The following UBR4 variants were observed in gnomAD, a reference collection of about 807,000 sequenced individuals.
UBR4 encodes ubiquitin protein ligase E3 component n-recognin 4.
A neutral mutation model predicts 575.6 loss-of-function variants in UBR4; 124 were observed. The ratio of observed to expected loss-of-function variants is 0.22; its 90% CI spans 0.19 to 0.25. UBR4 has a LOEUF of 0.25. Among genes scored for constraint, UBR4 ranks in the 10% least tolerant of loss-of-function variants. The pLI is 1.00. For synonymous variants in UBR4, 2,455 were observed against 2,473.7 expected, an observed-to-expected ratio of 0.99 and a Z score of 0.22; for missense variants, 4,818 against 6,478.8, an observed-to-expected ratio of 0.74 and a Z score of 8.80.
intron 8 of UBR4, among the ~76,000 whole-genome samples, chr1:19,195,670 C>T (rs2092406404): frequency 6.6e-6 from 1 of 152,166 alleles, no homozygotes; most frequent in Non-Finnish European, 1.5e-5. Context: ...TAACTTTCTA[C>T]TCTTAATGCT....
Position 19,117,358 on chromosome 1 carries a change from A to C in UBR4, c.10686T>G (p.Val3562=), listed in dbSNP as rs2080661399. The change falls in exon 73 of 106, where the codon GTT becomes GTG. Residue 3562 remains valine (V), a synonymous_variant. Transcript: ENST00000375254. This position sits in a 1 kb window ranked among gnomAD's most constrained non-coding sequence, Gnocchi z 4.0. ...VDTRYTTTQQ[V]VKLIGSHTIS... ...TGGTGTGACTGCCAATGAGCTTCAC[A>C]ACCTGCTGGGTGGTGGTGTACCGCG... 1.2e-6 allele frequency: 2 copies of C among 1,614,052 alleles called. No homozygotes were observed. The highest frequency in any genetic ancestry group is 1.7e-5 in the Admixed American group (1 of 60,002).
At chr1:19,151,999 T>C in intron 47 of UBR4, 140 bp from the exon 48 acceptor site, 1 of 888,942 alleles carries the variant, frequency 1.1e-6, no homozygotes, top group East Asian at 2.7e-5. Context: ...GACTTCCTTG[T>C]TTCTAAAAAT....
rs1234068473 is a variant in UBR4, at chr1:19,121,320, G to A, written c.10010C>T (p.Ala3337Val). The change falls in exon 68 of 106, where the codon GCA (alanine) becomes GTA (valine). Residue 3337 changes from alanine to valine, a missense_variant. Coordinates refer to ENST00000375254, the MANE Select transcript of UBR4 (RefSeq NM_020765.3). ...LCGSKVLAAL[A>V]ASSGSSSASS... ...AGCACTGGAGGATCCCGAAGAGGCT[G>A]CCAGTGCAGCGAGCACCTTGCTGCC... is the stretch of plus-strand genomic sequence containing the variant. The A allele has an allele frequency of 3.7e-6, 6 of 1,614,230 alleles. No individual in the cohort carries two copies. Among genetic ancestry groups the A allele is most frequent in the East Asian group, 2.2e-5 (1 of 44,884 alleles).
At chr1:19,103,122 C>T (rs1411569804) in intron 87 of UBR4, among the ~76,000 whole-genome samples, 1 of 152,142 alleles carries the variant, frequency 6.6e-6, no homozygotes, top group Non-Finnish European at 1.5e-5. Flanking sequence ...AATATGAGGT[C>T]ACAGTCAAAA....
chr1:19,140,639 C>T (rs537310430), intron 58 of UBR4, 149 bp downstream of exon 58: 26 of 768,844 alleles, frequency 3.4e-5, no homozygotes, highest in Non-Finnish European at 4.6e-5. Context: ...AGCACTACAC[C>T]CTCCACACCC....
chr1:19,156,539 T>A, intron 41 of UBR4, 116 bp from the exon 42 acceptor site: 1 of 1,354,442 alleles, frequency 7.4e-7, no homozygotes, highest in East Asian at 2.5e-5. Context: ...TCAGACAGTA[T>A]TTAGACTGTC....
intron 60 of UBR4, among the ~76,000 whole-genome samples, chr1:19,132,562 A>C (rs1387293007): frequency 6.6e-6 from 1 of 150,524 alleles, no homozygotes; most frequent in Admixed American, 6.6e-5. Flanking sequence ...GAAATAGAAC[A>C]GGAACAATAG....
Position 19,193,433 on chromosome 1 carries a change from A to G in UBR4, c.1143T>C (p.Cys381=). 6.2e-7 allele frequency: 1 copy of G among 1,613,912 alleles called. No homozygotes were observed. The highest frequency in any genetic ancestry group is 8.5e-7 in the Non-Finnish European group (1 of 1,179,872). The stretch of plus-strand genomic sequence containing the variant: ...CCTTATCCCCAGATCTTTGGCTTAC[A>G]CATTTCTGGACAATTGTAGCTGCGT... ...ESDAATIVQK[C]LEIYDMIGQA... Residue 381 remains cysteine, a splice_region_variant and synonymous_variant, in exon 9 of 106, where the codon TGT becomes TGC. Coordinates refer to ENST00000375254, the MANE Select transcript of UBR4 (RefSeq NM_020765.3).
Position 19,117,926 on chromosome 1 carries a change from GTCTTAGCATGAACACATTTTCA to G in UBR4, c.10542-38_10542-17del, listed in dbSNP as rs758707976. 1.9e-6 allele frequency: 3 copies of G among 1,607,086 alleles called. No individual in the cohort carries two copies. The highest frequency in any genetic ancestry group is 2.6e-6 in the Non-Finnish European group (3 of 1,173,868). On this transcript the variant is annotated splice_polypyrimidine_tract_variant and intron_variant, in intron 71 of 105. Coordinates refer to ENST00000375254, the MANE Select transcript of UBR4 (RefSeq NM_020765.3). The surrounding 1 kb of genome is among the most constrained non-coding windows in gnomAD (Gnocchi z 4.0). ...AGACAAAGTGCTAAGGAAGAAACCA[GTCTTAGCATGAACACATTTTCA>G]TCTTAGGAAGCACTGAGTTTCACAA...
At position 19,105,830 on chromosome 1, in the gene UBR4, G is replaced by C. The variant is rs1199977133; in HGVS notation, c.12406C>G (p.Pro4136Ala). 1 of 1,600,622 alleles carries C rather than the reference G, an allele frequency of 6.2e-7. No individual in the cohort carries two copies. Among genetic ancestry groups the C allele is most frequent in the East Asian group, 2.3e-5 (1 of 44,222 alleles). ...NNWLRQVLFT[P>A]ATQAARQAAC... ...GCCTGCCGTGCGGCCTGCGTTGCTG[G>C]AGTGAAAAGCACCTGCAGGACAGGG... The change falls in exon 84 of 106, where the codon CCA becomes GCA. Residue 4136 changes from proline to alanine, a missense_variant. Physicochemically the swap from Pro to Ala is conservative, Grantham distance 27 (BLOSUM62 -1). This residue lies in a region of UBR4 where 178 missense variants were observed against 175.5 expected (regional missense o/e 1.01). Transcript: ENST00000375254.
Position 19,169,522 on chromosome 1 carries a change from C to A in UBR4, c.3654G>T (p.Leu1218=), listed in dbSNP as rs751628712. The A allele has an allele frequency of 1.2e-6, 2 of 1,613,488 alleles. No individual in the cohort carries two copies. The highest frequency in any genetic ancestry group is 3.3e-5 in the Admixed American group (2 of 59,874). ...RCKANTLGPT[L]VQNLPSSVQT... ...GCACTGACGATGGCAAATTCTGAAC[C>A]AGTGTCGGACCTGGAGGCGACAGAA... The change falls in exon 27 of 106, where the codon CTG becomes CTT. Residue 1218 remains leucine (L), a synonymous_variant. Transcript: ENST00000375254.
Position 19,089,004 on chromosome 1 carries a change from A to G in UBR4, c.14212-27T>C, listed in dbSNP as rs2077266966. On this transcript the variant is annotated intron_variant, in intron 97 of 105. Transcript: ENST00000375254. This position sits in a 1 kb window ranked among gnomAD's most constrained non-coding sequence, Gnocchi z 4.3. The stretch of plus-strand genomic sequence containing the variant: ...TGCCAGTAAGAGACCAGAGAGACAC[A>G]TGCCTCCAATTATGTAGACAAACCT... 6.2e-7 allele frequency: 1 copy of G among 1,608,706 alleles called. No individual in the cohort carries two copies. Among genetic ancestry groups the G allele is most frequent in the South Asian group, 1.1e-5 (1 of 90,790 alleles).
At chr1:19,158,971 A>G (rs905911758) in intron 39 of UBR4, among the ~76,000 whole-genome samples, 2 of 151,894 alleles carry the variant, frequency 1.3e-5, no homozygotes, top group Non-Finnish European at 2.9e-5. Context: ...GTGAAATCCT[A>G]TCTCTACTAA....
At chr1:19,112,438 T>TGGGTGGTC in intron 78 of UBR4, 86 bp downstream of exon 78, 5 of 1,445,998 alleles carry the variant, frequency 3.5e-6, no homozygotes, top group Non-Finnish European at 4.7e-6. Flanking sequence ...TCAGAAGCAC[T>TGGGTGGTC]ATTCTGTGCA....
Position 19,089,241 on chromosome 1 carries a change from T to C in UBR4, c.14212-264A>G, listed in dbSNP as rs2077289449. ...GGGGATAGTGCAAGGGCTGCTGTGA[T>C]GACTAAAAACTAGATAACATATGCA... is the stretch of plus-strand genomic sequence containing the variant. On this transcript the variant is annotated intron_variant, in intron 97 of 105. Coordinates refer to ENST00000375254, the MANE Select transcript of UBR4 (RefSeq NM_020765.3). The surrounding 1 kb of genome is among the most constrained non-coding windows in gnomAD (Gnocchi z 4.3). 6.6e-6 allele frequency among the ~76,000 whole-genome samples: 1 copy of C among 152,188 alleles called. No individual in the cohort carries two copies. Among genetic ancestry groups the C allele is most frequent in the South Asian group, 2.1e-4 (1 of 4,826 alleles).
At chr1:19,120,682 T>C (rs1217141427) in intron 68 of UBR4, among the ~76,000 whole-genome samples, 1 of 152,208 alleles carries the variant, frequency 6.6e-6, no homozygotes, top group African/African-American at 2.4e-5. Flanking sequence ...AGGAACTTCC[T>C]TTCAAGGGCT....
At chr1:19,122,204 G>A (rs1348097532) in intron 66 of UBR4, among the ~76,000 whole-genome samples, 192 bp from the exon 67 acceptor site, 1 of 152,188 alleles carries the variant, frequency 6.6e-6, no homozygotes, top group African/African-American at 2.4e-5. Flanking sequence ...AACCGCTGCA[G>A]CTCTTACCGA....
At position 19,078,028 on chromosome 1, in the gene UBR4, C is replaced by T. The variant is rs587777845; in HGVS notation, c.15272G>A (p.Arg5091His). Residue 5091 changes from arginine to histidine, a missense_variant, in exon 104 of 106, where the codon CGT (arginine) becomes CAT (histidine). Physicochemically the swap from Arg to His is conservative, Grantham distance 29. Around this residue, in one of 29 missense-constraint regions of UBR4, gnomAD observed 212 missense variants for 221.3 expected, o/e 0.96. Transcript: ENST00000375254. The stretch of plus-strand genomic sequence containing the variant: ...GAGGGCCCAAAAGAGAAGGGAAGAA[C>T]GGTAAGCGGAATAGTCCTTCACTGC... ...DKAVKDYSAYRSSLLFWALVD... is the reference protein window; with the variant it reads ...DKAVKDYSAYHSSLLFWALVD... The T allele has an allele frequency of 6.8e-6, 11 of 1,613,926 alleles. No individual in the cohort carries two copies. Among genetic ancestry groups the T allele is most frequent in the Middle Eastern group, 3.3e-4 (2 of 6,062 alleles).
At chr1:19,098,713 G>A (rs1472009274) in intron 90 of UBR4, among the ~76,000 whole-genome samples, 2 of 152,188 alleles carry the variant, frequency 1.3e-5, no homozygotes, top group African/African-American at 4.8e-5. Flanking sequence ...AGAAAAGAAA[G>A]GAGAGAGGCG....
Sources: gnomAD v4.1 joint callset for allele counts (sites outside exome capture counted in the v4.1 genomes callset) on GRCh38, gnomAD v4.1.1 for gene constraint, gnomAD v4.1.1 regional missense constraint, Gnocchi (gnomAD v3.1) non-coding constraint, MANE v1.5 for transcripts, NCBI Gene and HGNC (gene_info 2026-07-23, HGNC 2026-07-21) for gene names.